Variants in MID2 observed in about 807,000 individuals in gnomAD.
MID2 encodes midline 2.
A neutral mutation model predicts 46.1 loss-of-function variants in MID2; 13 were observed. That is an observed-to-expected ratio of 0.28 (90% CI 0.18 to 0.45). The LOEUF (loss-of-function observed/expected upper bound fraction) is 0.45, where lower values mean the gene tolerates loss of function less well. MID2 is among the 20% of genes least tolerant of loss of function. The probability of loss-of-function intolerance (pLI) is 1.00; values close to 1 mark genes in which losing one functional copy is unlikely to be tolerated. For missense variants in MID2, 431 were observed against 575.4 expected (o/e 0.75, Z 2.57); for synonymous variants, 199 against 212.3 (o/e 0.94, Z 0.55).
chrX:107,832,527 C>T (rs189235092), intron 1 of MID2, among the ~76,000 whole-genome samples: 12 of 111,225 alleles, frequency 1.1e-4, no homozygotes, highest in African/African-American at 2.3e-4. Context: ...TCGTCTGATC[C>T]TCACAATAGC....
intron 5 of MID2, among the ~76,000 whole-genome samples, chrX:107,909,963 A>G (rs921347874): frequency 8.9e-6 from 1 of 112,690 alleles, no homozygotes; most frequent in African/African-American, 3.2e-5. Context: ...TGGAATGACT[A>G]ATCAAAGCCA....
intron 6 of MID2, among the ~76,000 whole-genome samples, chrX:107,916,879 G>A (rs1235735452): frequency 6.2e-5 from 7 of 112,530 alleles, no homozygotes; most frequent in African/African-American, 2.3e-4. Flanking sequence ...AGTGGCTCAC[G>A]CCCATAATCC....
At chrX:107,858,174 A>G (rs1423503272) in intron 3 of MID2, among the ~76,000 whole-genome samples, 1 of 112,094 alleles carries the variant, frequency 8.9e-6, no homozygotes, top group Non-Finnish European at 1.9e-5. Flanking sequence ...ATTGCTGCTG[A>G]AGGTTTCAGA....
Position 107,840,888 on chromosome X carries a change from C to T in MID2, c.223C>T (p.Gln75Ter). The change falls in exon 2 of 10, where the codon CAG becomes TAG. Residue 75 changes from glutamine to a stop codon, truncating the protein, a stop_gained. Transcript: ENST00000262843. LOFTEE classifies it high-confidence loss of function. Reference protein sequence around the residue: ...GESIEPITAFQCPTCRYVISL... With the variant: ...GESIEPITAF Reference sequence around the variant, plus strand: ...ATCCATTGAACCCATTACTGCTTTCCAGTGTCCTACCTGCAGGTATGTTAT... The same window carrying T: ...ATCCATTGAACCCATTACTGCTTTCTAGTGTCCTACCTGCAGGTATGTTAT... The T allele has an allele frequency of 8.3e-7, 1 of 1,211,390 alleles. No individual in the cohort carries two copies. Among genetic ancestry groups the T allele is most frequent in the Non-Finnish European group, 1.1e-6 (1 of 895,289 alleles).
chrX:107,865,655 T>C (rs73529326), intron 3 of MID2, among the ~76,000 whole-genome samples: 2,068 of 112,142 alleles, frequency 0.018, 51 homozygotes, highest in African/African-American at 0.063. Context: ...TTTGTTTTCT[T>C]TAATGAGAAA....
At chrX:107,892,292 T>C (rs1313763557) in intron 3 of MID2, among the ~76,000 whole-genome samples, 1 of 112,203 alleles carries the variant, frequency 8.9e-6, no homozygotes, top group East Asian at 2.8e-4. Context: ...GAAAAAGCCC[T>C]AGACTAGAAA....
intron 3 of MID2, among the ~76,000 whole-genome samples, chrX:107,902,580 A>G (rs1356160711): frequency 2.7e-5 from 3 of 111,769 alleles, no homozygotes; most frequent in African/African-American, 6.5e-5. Flanking sequence ...AAAGCAACAT[A>G]AGATTGTCAC....
At chrX:107,889,524 C>T (rs1467907678) in intron 3 of MID2, among the ~76,000 whole-genome samples, 12 of 111,448 alleles carry the variant, frequency 1.1e-4, no homozygotes, top group Non-Finnish European at 1.7e-4. Flanking sequence ...TTGTGGGACC[C>T]GGCCTTTCTC....
At chrX:107,921,017 C>T (rs1252085401) in intron 7 of MID2, among the ~76,000 whole-genome samples, 1 of 111,618 alleles carries the variant, frequency 9.0e-6, no homozygotes, top group Non-Finnish European at 1.9e-5. Flanking sequence ...TATCTAACCA[C>T]CATTTATATT....
At chrX:107,853,142 G>A (rs1424659919) in intron 2 of MID2, among the ~76,000 whole-genome samples, 5 of 111,298 alleles carry the variant, frequency 4.5e-5, no homozygotes, top group African/African-American at 6.6e-5. Context: ...TTCACATAAC[G>A]AATGGGAAAC....
intron 6 of MID2, 106 bp downstream of exon 6, chrX:107,916,235 T>A: frequency 3.0e-6 from 2 of 661,956 alleles, no homozygotes; most frequent in Non-Finnish European, 4.1e-6. Context: ...ACATATTTTA[T>A]AATCTTTAAA....
At chrX:107,906,452 T>C (rs947717314) in intron 5 of MID2, among the ~76,000 whole-genome samples, 16 of 112,235 alleles carry the variant, frequency 1.4e-4, no homozygotes, top group African/African-American at 5.2e-4. Flanking sequence ...ACCTCAGAGC[T>C]CCATCTCATC....
chrX:107,860,699 G>C (rs981822188), intron 3 of MID2, among the ~76,000 whole-genome samples: 3 of 112,069 alleles, frequency 2.7e-5, no homozygotes, highest in Admixed American at 9.5e-5. Flanking sequence ...AAAATCAAAG[G>C]TTTAGGGTAT....
intron 3 of MID2, among the ~76,000 whole-genome samples, chrX:107,871,630 G>A (rs554938077): frequency 9.0e-6 from 1 of 111,326 alleles, no homozygotes; most frequent in East Asian, 2.8e-4. Context: ...CAATGTGGGG[G>A]ATTTTATTGC....
intron 5 of MID2, among the ~76,000 whole-genome samples, chrX:107,908,536 T>C (rs1932855924): frequency 9.0e-6 from 1 of 111,075 alleles, no homozygotes; most frequent in Non-Finnish European, 1.9e-5. Context: ...ATATTATAAC[T>C]TTCATCTCTA....
At chrX:107,884,988 A>G (rs1357052413) in intron 3 of MID2, among the ~76,000 whole-genome samples, 1 of 111,809 alleles carries the variant, frequency 8.9e-6, no homozygotes, top group Non-Finnish European at 1.9e-5. Context: ...AACCATAACT[A>G]ATTATTTCTT....
At position 107,930,939 on chromosome X, in the gene MID2, T is replaced by A. The variant is rs742584; in HGVS notation, c.*3866T>A. Reference sequence around the variant, plus strand: ...TAATCAAAAATAAAGTAAAACCTGTTTTGAGAGTATGAAAGAAATTTTAAT... The same window carrying A: ...TAATCAAAAATAAAGTAAAACCTGTATTGAGAGTATGAAAGAAATTTTAAT... On this transcript the variant is annotated 3_prime_UTR_variant, in exon 10 of 10. Transcript: ENST00000262843. 0.14 allele frequency among the ~76,000 whole-genome samples: 15,648 copies of A among 111,717 alleles called. 945 individuals carry two copies. The highest frequency in any genetic ancestry group is 0.3 in the Middle Eastern group (63 of 212).
At chrX:107,843,234 AAT>A (rs1420198202) in intron 2 of MID2, among the ~76,000 whole-genome samples, 1 of 112,217 alleles carries the variant, frequency 8.9e-6, no homozygotes, top group African/African-American at 3.2e-5. Context: ...GGCCTTGAGA[AAT>A]ATTCCAAACA....
intron 2 of MID2, among the ~76,000 whole-genome samples, chrX:107,849,241 C>T (rs1931555957): frequency 8.9e-6 from 1 of 112,032 alleles, no homozygotes; most frequent in South Asian, 3.7e-4. Context: ...ATACAGATTA[C>T]ACCCCCTTTT....
Sources: gnomAD v4.1 joint callset for allele counts (sites outside exome capture counted in the v4.1 genomes callset) on GRCh38, gnomAD v4.1.1 for gene constraint, MANE v1.5 for transcripts, NCBI Gene and HGNC (gene_info 2026-07-23, HGNC 2026-07-21) for gene names.